Variants in KDM2A observed in about 807,000 individuals in gnomAD.
The protein encoded by KDM2A is lysine demethylase 2A.
Under a neutral mutation model 137.3 loss-of-function variants are expected in KDM2A, and 3 were observed. The observed-to-expected ratio is 0.02, with a 90% CI of 0.01 to 0.06. KDM2A has a LOEUF of 0.06. Among genes scored for constraint, KDM2A ranks in the 10% least tolerant of loss-of-function variants. The probability of loss-of-function intolerance (pLI) is 1.00; values close to 1 mark genes in which losing one functional copy is unlikely to be tolerated. For missense variants in KDM2A, 738 were observed against 1,510.6 expected (o/e 0.49, Z 8.48); for synonymous variants, 512 against 541.5 (o/e 0.95, Z 0.76).
intron 2 of KDM2A, among the ~76,000 whole-genome samples, chr11:67,137,232 A>G (rs1227906139): frequency 6.6e-5 from 10 of 152,220 alleles, no homozygotes; most frequent in African/African-American, 2.4e-4. Flanking sequence ...AATTCTTGAC[A>G]AGGTAGACAG....
chr11:67,252,159 C>T (rs1859448044), intron 17 of KDM2A, among the ~76,000 whole-genome samples: 1 of 152,152 alleles, frequency 6.6e-6, no homozygotes, highest in African/African-American at 2.4e-5. Context: ...ACTCTGTAAG[C>T]CTGATAAAGA....
chr11:67,155,117 C>T (rs1856484253), intron 2 of KDM2A, among the ~76,000 whole-genome samples: 2 of 152,158 alleles, frequency 1.3e-5, no homozygotes, highest in South Asian at 4.1e-4. Flanking sequence ...CAGGCTCATG[C>T]AGTTCTCATG....
chr11:67,217,606 A>G, intron 8 of KDM2A, 125 bp from the exon 9 acceptor site: 1 of 867,500 alleles, frequency 1.2e-6, no homozygotes, highest in Non-Finnish European at 1.8e-6. Context: ...CAAGTTCTAT[A>G]GGCTGGGAAA....
In KDM2A at chr11:67,119,483, G is replaced by T. The variant is rs1045501518; in HGVS notation, c.-650G>T. ...CCATCCCCCGGAATCCCTCTTCTGC[G>T]ACTGGGGAGTAGCCGGGGGGCTCGT... is the stretch of plus-strand genomic sequence containing the variant. On this transcript the variant is annotated 5_prime_UTR_variant, in exon 1 of 21. Transcript: ENST00000529006. 2.0e-5 allele frequency: 3 copies of T among 152,958 alleles called. No individual in the cohort carries two copies. Among genetic ancestry groups the T allele is most frequent in the African/African-American group, 7.2e-5 (3 of 41,402 alleles). 9.5% of individuals were successfully genotyped at this position (152,958 alleles called of 1,614,324 possible).
In KDM2A at chr11:67,177,094, C is replaced by T. The variant is rs183138342; in HGVS notation, c.43-2985C>T. 1.8e-4 allele frequency among the ~76,000 whole-genome samples: 28 copies of T among 151,972 alleles called. No homozygotes were observed. The South Asian group carries it at 3.7e-3, about 20-fold the overall frequency. On this transcript the variant is annotated intron_variant, in intron 2 of 20. Transcript: ENST00000529006. ...CCAACATGGCGAAACCCTGTCTCTA[C>T]AAAAATACAAAAATTAGCCGGGCAT...
intron 5 of KDM2A, among the ~76,000 whole-genome samples, chr11:67,202,666 C>T (rs1857663151): frequency 6.7e-6 from 1 of 149,024 alleles, no homozygotes; most frequent in Non-Finnish European, 1.5e-5. Flanking sequence ...GTCCCAGCTA[C>T]TCAGGAGGCT....
chr11:67,247,932 A>G (rs1395084647), intron 15 of KDM2A, among the ~76,000 whole-genome samples: 3 of 152,178 alleles, frequency 2.0e-5, no homozygotes, highest in Admixed American at 1.3e-4. Context: ...CTTCACCACA[A>G]CCCTATAAGG....
intron 2 of KDM2A, chr11:67,131,999 C>T (rs914618000): frequency 2.6e-5 from 4 of 152,078 alleles, no homozygotes; most frequent in East Asian, 1.9e-4. Context: ...AAAAGTTAAA[C>T]CCTAAAGATA....
chr11:67,242,916 A>G (rs936490967), intron 12 of KDM2A, 93 bp from the exon 13 acceptor site: 7 of 895,134 alleles, frequency 7.8e-6, no homozygotes, highest in Admixed American at 5.6e-5. Flanking sequence ...TTGCTACTCA[A>G]GGGTACTGAG....
chr11:67,125,525 A>C (rs1195770054), intron 2 of KDM2A, among the ~76,000 whole-genome samples: 1 of 151,950 alleles, frequency 6.6e-6, no homozygotes, highest in African/African-American at 2.4e-5. Context: ...AAATCCCATC[A>C]CTTTGGGAGG....
At chr11:67,202,993 C>T (rs368749649) in intron 5 of KDM2A, among the ~76,000 whole-genome samples, 1 of 145,686 alleles carries the variant, frequency 6.9e-6, no homozygotes, top group East Asian at 2.0e-4. Context: ...AGACCCTGTC[C>T]GTCCGCCGCC....
rs745360472 is a variant in KDM2A at position 67,250,564 on chromosome 11, C to T, written c.2534C>T (p.Pro845Leu). The change falls in exon 17 of 21, where the codon CCC becomes CTC. Residue 845 changes from proline (P) to leucine (L), a missense_variant. Around this residue, in one of 9 missense-constraint regions of KDM2A, gnomAD observed 244 missense variants for 324.6 expected, o/e 0.75. Transcript: ENST00000529006. This position sits in a 1 kb window ranked among gnomAD's most constrained non-coding sequence, Gnocchi z 7.1. ...GTGCAGCACTGCCCAGCCCGAACCCCCCAGCGTGGGGATGAGGAGGGGCTG... is the reference window on the plus strand; with the variant it reads ...GTGCAGCACTGCCCAGCCCGAACCCTCCAGCGTGGGGATGAGGAGGGGCTG... ...VLVQHCPART[P>L]QRGDEEGLGG... 1.2e-5 allele frequency: 19 copies of T among 1,613,728 alleles called. No homozygotes were observed. Among genetic ancestry groups the T allele is most frequent in the Non-Finnish European group, 1.4e-5 (16 of 1,179,786 alleles).
intron 10 of KDM2A, among the ~76,000 whole-genome samples, chr11:67,224,458 TTTC>T (rs1282608647): frequency 1.3e-5 from 1 of 78,756 alleles, no homozygotes; most frequent in Non-Finnish European, 2.4e-5. Context: ...AATTAACCCC[TTTC>T]TTTTTTTTTT....
At chr11:67,125,579 C>G (rs1251598461) in intron 2 of KDM2A, among the ~76,000 whole-genome samples, 1 of 151,900 alleles carries the variant, frequency 6.6e-6, no homozygotes, top group African/African-American at 2.4e-5. Context: ...TGAGACCAGC[C>G]TGGCCAACAT....
In KDM2A at chr11:67,119,989, C is replaced by T. The variant is rs1413998547; in HGVS notation, c.-144C>T. 3 of 152,292 alleles carry T rather than the reference C, an allele frequency of 2.0e-5. No individual in the cohort carries two copies. Among genetic ancestry groups the T allele is most frequent in the South Asian group, 2.1e-4 (1 of 4,832 alleles). 9.4% of individuals were successfully genotyped at this position (152,292 alleles called of 1,614,324 possible). On this transcript the variant is annotated 5_prime_UTR_variant, in exon 1 of 21. Coordinates refer to ENST00000529006, the MANE Select transcript of KDM2A (RefSeq NM_012308.3). ...AGACGACGTTTGGGATTTAATTATT[C>T]CTCTCAGCTTTGGAATCTTTTACTT...
intron 2 of KDM2A, among the ~76,000 whole-genome samples, chr11:67,144,243 G>A (rs1215584719): frequency 2.0e-5 from 3 of 148,906 alleles, no homozygotes; most frequent in Non-Finnish European, 4.4e-5. Context: ...CTGGCCCTTG[G>A]CCTTAAATTT....
At chr11:67,227,046 T>C (rs1249203804) in intron 10 of KDM2A, among the ~76,000 whole-genome samples, 1 of 152,222 alleles carries the variant, frequency 6.6e-6, no homozygotes, top group Non-Finnish European at 1.5e-5. Flanking sequence ...TGTCCTTTCC[T>C]GGACTGTGAT....
Position 67,121,141 on chromosome 11 carries a change from C to A in KDM2A, c.-83-93C>A, listed in dbSNP as rs1238196164. On this transcript the variant is annotated intron_variant, in intron 1 of 20. Transcript: ENST00000529006. ...AAGAGGAACCTGATTTTTCAGAGAG[C>A]CTTTAACACTTACCTTAAATACTCC... 8.2e-6 allele frequency: 5 copies of A among 610,912 alleles called. No individual in the cohort carries two copies. The East Asian group carries it at 1.4e-4, about 17-fold the overall frequency. The allele number at this position is 610,912 out of a possible 1,614,324, so 37.8% of individuals were successfully genotyped here. A position where few individuals can be genotyped will look rare whatever the true frequency, so the allele number is the denominator to read the frequency against.
At chr11:67,201,046 T>C (rs1031191919) in intron 5 of KDM2A, among the ~76,000 whole-genome samples, 1 of 151,682 alleles carries the variant, frequency 6.6e-6, no homozygotes, top group Non-Finnish European at 1.5e-5. Flanking sequence ...GAAAAAAAAT[T>C]AGCCGGGCGT....
Sources: gnomAD v4.1 joint callset for allele counts (sites outside exome capture counted in the v4.1 genomes callset) on GRCh38, gnomAD v4.1.1 for gene constraint, gnomAD v4.1.1 regional missense constraint, Gnocchi (gnomAD v3.1) non-coding constraint, MANE v1.5 for transcripts, NCBI Gene and HGNC (gene_info 2026-07-23, HGNC 2026-07-21) for gene names.